Variants in SEC14L3 observed in about 807,000 individuals in gnomAD.
SEC14L3 encodes SEC14 like lipid binding 3.
SEC14L3 carries 56 observed loss-of-function variants against 57.4 expected under a neutral mutation model. The ratio of observed to expected loss-of-function variants is 0.97; its 90% confidence interval spans 0.79 to 1.22. The LOEUF (loss-of-function observed/expected upper bound fraction) is 1.22, where lower values mean the gene tolerates loss of function less well. Among genes scored for constraint, SEC14L3 ranks in the 50% most tolerant of loss-of-function variants. SEC14L3 has a pLI of 0.00. For missense variants in SEC14L3, 485 were observed against 511.7 expected, an observed-to-expected ratio of 0.95 and a Z score of 0.50; for synonymous variants, 173 against 194.4, an observed-to-expected ratio of 0.89 and a Z score of 0.92.
chr22:30,453,602 A>G (rs1935027771), intron 12 of SEC14L3, among the ~76,000 whole-genome samples: 1 of 152,124 alleles, frequency 6.6e-6, no homozygotes. Flanking sequence ...TAGTAGAGGC[A>G]GGGTTTCATC....
chr22:30,463,445 C>T (rs1341149577), intron 8 of SEC14L3, among the ~76,000 whole-genome samples: 1 of 152,198 alleles, frequency 6.6e-6, no homozygotes, highest in African/African-American at 2.4e-5. Context: ...TGAGCAGAGT[C>T]ACATGGGGCA....
intron 12 of SEC14L3, among the ~76,000 whole-genome samples, chr22:30,450,316 T>A (rs558144421): frequency 6.6e-6 from 1 of 151,958 alleles, no homozygotes; most frequent in African/African-American, 2.4e-5. Flanking sequence ...CTTATTTTTA[T>A]TTTTTTTGAG....
chr22:30,466,196 C>T, intron 7 of SEC14L3, 138 bp downstream of exon 7: 1 of 728,514 alleles, frequency 1.4e-6, no homozygotes, highest in East Asian at 2.7e-5. Context: ...TACTCTATGC[C>T]AGGCATTCTA....
intron 12 of SEC14L3, among the ~76,000 whole-genome samples, chr22:30,450,973 C>T (rs1049162902): frequency 1.3e-5 from 2 of 152,226 alleles, no homozygotes; most frequent in African/African-American, 4.8e-5. Flanking sequence ...AGGCCCCTTG[C>T]CCGGGCAGAA....
chr22:30,449,050 C>G, exon 13 of SEC14L3: 1 of 1,544,646 alleles, frequency 6.5e-7, no homozygotes, highest in Non-Finnish European at 8.8e-7. Flanking sequence ...GGGGTGAGTC[C>G]TCTTACACAC....
chr22:30,462,001 G>T, intron 9 of SEC14L3, 85 bp downstream of exon 9: 1 of 1,379,150 alleles, frequency 7.3e-7, no homozygotes, highest in East Asian at 2.4e-5. Context: ...TCTCTCTATA[G>T]GTAATTGTGG....
intron 11 of SEC14L3, among the ~76,000 whole-genome samples, 163 bp downstream of exon 11, chr22:30,461,147 T>C (rs189479544): frequency 1.6e-4 from 25 of 152,172 alleles, no homozygotes; most frequent in Non-Finnish European, 3.1e-4. Flanking sequence ...TAGGTGCTCA[T>C]GAATATGGAC....
chr22:30,454,580 AATAATATTATTATATATAATCT>A (rs1569224990), downstream of SEC14L3, among the ~76,000 whole-genome samples: 331 of 103,504 alleles, frequency 3.2e-3, 6 homozygotes, highest in African/African-American at 0.01. Flanking sequence ...TATAATCTAT[AATAATATTATTATATATAATCT>A]ATAATATTAT....
At chr22:30,450,030 C>A (rs987957776) in intron 12 of SEC14L3, among the ~76,000 whole-genome samples, 2 of 152,162 alleles carry the variant, frequency 1.3e-5, no homozygotes, top group African/African-American at 4.8e-5. Flanking sequence ...TCCCTCCCCG[C>A]TACTGCTGTC....
At chr22:30,468,366 C>G in intron 5 of SEC14L3, 142 bp downstream of exon 5, 1 of 603,822 alleles carries the variant, frequency 1.7e-6, no homozygotes, top group Non-Finnish European at 3.0e-6. Flanking sequence ...CAAGGCCACA[C>G]AGCTGGTAAG....
exon 13 of SEC14L3, chr22:30,449,176 T>C: frequency 1.3e-6 from 2 of 1,550,596 alleles, no homozygotes; most frequent in Non-Finnish European, 1.7e-6. Context: ...GAGTGTGAGT[T>C]CTGTAGCTCA....
chr22:30,470,380 C>T, intron 2 of SEC14L3, 125 bp from the exon 3 acceptor site: 1 of 1,594,620 alleles, frequency 6.3e-7, no homozygotes, highest in Non-Finnish European at 8.5e-7. Flanking sequence ...CTTCCCTCCT[C>T]TGGACCTGAA....
intron 8 of SEC14L3, among the ~76,000 whole-genome samples, chr22:30,463,016 T>C (rs565470745): frequency 6.6e-6 from 1 of 152,166 alleles, no homozygotes; most frequent in Non-Finnish European, 1.5e-5. Flanking sequence ...ATTACAGGCA[T>C]GAGCCACCAC....
At chr22:30,453,569 C>T (rs1365263863) in intron 12 of SEC14L3, among the ~76,000 whole-genome samples, 2 of 152,168 alleles carry the variant, frequency 1.3e-5, no homozygotes, top group Non-Finnish European at 2.9e-5. Context: ...TGCACCACCA[C>T]GCCCAGCTAA....
chr22:30,459,607 C>T lies in SEC14L3; in HGVS notation c.*414G>A, dbSNP rs1456551938. 3 of 992,658 alleles carry T rather than the reference C, an allele frequency of 3.0e-6. No homozygotes were observed. Among genetic ancestry groups the T allele is most frequent in the Non-Finnish European group, 3.6e-6 (3 of 833,658 alleles). 61.5% of individuals were successfully genotyped at this position (992,658 alleles called of 1,614,324 possible). ...TCCTCCATTCAATGCCACAAATATA[C>T]ACTGAGCATCTACTATATATAGGGA... is the stretch of plus-strand genomic sequence containing the variant. On this transcript the variant is annotated 3_prime_UTR_variant, in exon 12 of 12. Transcript: ENST00000215812.
At chr22:30,458,428 C>T (rs1569226680), downstream of SEC14L3, among the ~76,000 whole-genome samples, 1 of 152,218 alleles carries the variant, frequency 6.6e-6, no homozygotes, top group Non-Finnish European at 1.5e-5. Flanking sequence ...ATCACCTCCT[C>T]TACCCACAAA....
downstream of SEC14L3, among the ~76,000 whole-genome samples, chr22:30,454,868 ACATAATATATTAT>A (rs1935071370): frequency 9.5e-5 from 2 of 20,974 alleles, no homozygotes; most frequent in East Asian, 3.0e-3. Flanking sequence ...ATTATATAAT[ACATAATATATTAT>A]TATATATTAT....
chr22:30,448,974 T>G, exon 13 of SEC14L3: 1 of 989,882 alleles, frequency 1.0e-6, no homozygotes. Flanking sequence ...TAACCCCTCT[T>G]AGAAGCAGCA....
chr22:30,459,376 G>C lies in SEC14L3; in HGVS notation c.*645C>G. The C allele has an allele frequency of 2.0e-6, 2 of 985,474 alleles. No individual in the cohort carries two copies. Among genetic ancestry groups the C allele is most frequent in the Non-Finnish European group, 2.4e-6 (2 of 829,960 alleles). 61.0% of individuals were successfully genotyped at this position (985,474 alleles called of 1,614,324 possible). On this transcript the variant is annotated 3_prime_UTR_variant, in exon 12 of 12. Coordinates refer to ENST00000215812, the MANE Select transcript of SEC14L3 (RefSeq NM_174975.5). ...AGTCAGACAAAGCCTGATGTAGGCAGCTCCTATCAGAGGCATGTGGCCTTT... is the reference window on the plus strand; with the variant it reads ...AGTCAGACAAAGCCTGATGTAGGCACCTCCTATCAGAGGCATGTGGCCTTT...
Sources: gnomAD v4.1 joint callset for allele counts (sites outside exome capture counted in the v4.1 genomes callset) on GRCh38, gnomAD v4.1.1 for gene constraint, MANE v1.5 for transcripts, NCBI Gene and HGNC (gene_info 2026-07-23, HGNC 2026-07-21) for gene names.